RPTOR: variants seen among roughly 807,000 people sequenced by gnomAD.
RPTOR encodes the protein regulatory associated protein of MTOR complex 1, also known as regulatory-associated protein of mTOR.
In RPTOR, 21 loss-of-function variants were observed where a neutral mutation model predicts 169.9. The ratio of observed to expected loss-of-function variants is 0.12; its 90% CI spans 0.09 to 0.18. RPTOR has a LOEUF of 0.18. Ranked by LOEUF, RPTOR falls within the 10% of genes least tolerant of loss-of-function variation. The probability of loss-of-function intolerance (pLI) is 1.00; values close to 1 mark genes in which losing one functional copy is unlikely to be tolerated. For missense variants in RPTOR, 1,133 were observed against 1,855.9 expected, an observed-to-expected ratio of 0.61 and a Z score of 7.16; for synonymous variants, 732 against 753.2, an observed-to-expected ratio of 0.97 and a Z score of 0.46.
chr17:80,937,701 A>T (rs1338050119), intron 24 of RPTOR, among the ~76,000 whole-genome samples: 1 of 152,220 alleles, frequency 6.6e-6, no homozygotes, highest in Non-Finnish European at 1.5e-5. Context: ...CAGCCTGAAG[A>T]GAAACAGGTG....
chr17:80,930,355 C>T (rs62068520), intron 24 of RPTOR, among the ~76,000 whole-genome samples: 7,887 of 44,596 alleles, frequency 0.18, 14 homozygotes, highest in African/African-American at 0.22. Flanking sequence ...CAGCTCATCC[C>T]CAGCTCATCC....
At chr17:80,738,348 T>C (rs1330180499) in intron 5 of RPTOR, among the ~76,000 whole-genome samples, 1 of 152,262 alleles carries the variant, frequency 6.6e-6, no homozygotes, top group African/African-American at 2.4e-5. Context: ...TTGCTGCTTC[T>C]CTGTGCCCAT....
At chr17:80,686,344 G>A (rs767639511) in intron 3 of RPTOR, among the ~76,000 whole-genome samples, 43 of 147,228 alleles carry the variant, frequency 2.9e-4, no homozygotes, top group Non-Finnish European at 3.8e-4. Flanking sequence ...CCGCCACCAC[G>A]CCTGGCTAAT....
rs1388806730 is a variant in RPTOR, at chr17:80,721,005, C to G, written c.508-9555C>G. Reference sequence around the variant, plus strand: ...TTCCCCGACCCCTTGTTTTCCATCTCTAATTTTAGCCGTCTAGGGCAGAAA... The same window carrying G: ...TTCCCCGACCCCTTGTTTTCCATCTGTAATTTTAGCCGTCTAGGGCAGAAA... On this transcript the variant is annotated intron_variant, in intron 4 of 33. Transcript: ENST00000306801. This position sits in a 1 kb window ranked among gnomAD's most constrained non-coding sequence, Gnocchi z 4.7. 6.6e-6 allele frequency among the ~76,000 whole-genome samples: 1 copy of G among 150,998 alleles called. No homozygotes were observed. Among genetic ancestry groups the G allele is most frequent in the African/African-American group, 2.5e-5 (1 of 40,372 alleles).
At position 80,744,061 on chromosome 17, in the gene RPTOR, C is replaced by T. The variant is rs148046097; in HGVS notation, c.655-9949C>T. 1.8e-3 allele frequency among the ~76,000 whole-genome samples: 100 copies of T among 56,536 alleles called. 3 individuals carry two copies. The highest frequency in any genetic ancestry group is 3.5e-3 in the African/African-American group (38 of 10,840). 37.1% of individuals were successfully genotyped at this position (56,536 alleles called of 152,430 possible). The stretch of plus-strand genomic sequence containing the variant: ...GCCCTGGTTACTAGCACAGCCCTGG[C>T]TACTAGCACTGTCCTGGTTACGAGC... On this transcript the variant is annotated intron_variant, in intron 5 of 33. Transcript: ENST00000306801.
intron 4 of RPTOR, among the ~76,000 whole-genome samples, chr17:80,719,595 A>G (rs1398651841): frequency 2.0e-5 from 3 of 152,144 alleles, no homozygotes; most frequent in Non-Finnish European, 4.4e-5. Context: ...TGGACTAAAG[A>G]TGGACTTGTG....
intron 4 of RPTOR, among the ~76,000 whole-genome samples, chr17:80,713,242 A>AT (rs917903874): frequency 4.0e-5 from 6 of 151,742 alleles, no homozygotes; most frequent in East Asian, 1.9e-4. Flanking sequence ...CTAATTTTGT[A>AT]TTTTTTTTAG....
chr17:80,724,626 T>C (rs1314757155), intron 4 of RPTOR, among the ~76,000 whole-genome samples: 2 of 152,058 alleles, frequency 1.3e-5, no homozygotes, highest in African/African-American at 4.8e-5. Context: ...CCAACAGTGG[T>C]GAGGCCAGAA....
At chr17:80,900,524 C>A (rs577547651) in intron 20 of RPTOR, among the ~76,000 whole-genome samples, 4 of 152,222 alleles carry the variant, frequency 2.6e-5, no homozygotes, top group Non-Finnish European at 4.4e-5. Context: ...CCAAGTTGGT[C>A]AGGCTGGTCT....
chr17:80,643,719 C>T lies in RPTOR; in HGVS notation c.266-9C>T, dbSNP rs367876653. On this transcript the variant is annotated splice_polypyrimidine_tract_variant and intron_variant, in intron 2 of 33. Transcript: ENST00000306801. Reference sequence around the variant, plus strand: ...GTAAAGAACTTTCTCTTTTCCATTGCTTCCTCAGATCCTCTGTCGATGGGT... The same window carrying T: ...GTAAAGAACTTTCTCTTTTCCATTGTTTCCTCAGATCCTCTGTCGATGGGT... 2 of 1,609,724 alleles carry T rather than the reference C, an allele frequency of 1.2e-6. No individual in the cohort carries two copies. The highest frequency in any genetic ancestry group is 2.7e-5 in the African/African-American group (2 of 74,930).
At chr17:80,881,681 C>A (rs965951880) in intron 14 of RPTOR, among the ~76,000 whole-genome samples, 5 of 152,122 alleles carry the variant, frequency 3.3e-5, no homozygotes, top group African/African-American at 1.2e-4. Context: ...ATTTGTCTGG[C>A]GTTGTGGCAC....
At chr17:80,579,969 T>C (rs570254072) in intron 1 of RPTOR, among the ~76,000 whole-genome samples, 8 of 152,314 alleles carry the variant, frequency 5.3e-5, no homozygotes, top group African/African-American at 1.9e-4. Flanking sequence ...GCTTTGCTTC[T>C]GTATTTAGAA....
rs184801664 is a variant in RPTOR at position 80,618,825 on chromosome 17, A to G, written c.163-6866A>G. Among the ~76,000 whole-genome samples, 4 of 152,326 alleles carry G rather than the reference A, an allele frequency of 2.6e-5. No homozygotes were observed. In the East Asian group the frequency reaches 5.8e-4, roughly 22 times the overall value. The stretch of plus-strand genomic sequence containing the variant: ...CAAGCTAACACAGTTGCTGCTGGTG[A>G]TGATGATCTTGTTTTGGACTGCAGG... On this transcript the variant is annotated intron_variant, in intron 1 of 33. Transcript: ENST00000306801.
rs750358514 is a variant in RPTOR at position 80,908,943 on chromosome 17, G to A, written c.2520+14G>A. 11 of 1,558,152 alleles carry A rather than the reference G, an allele frequency of 7.1e-6. No individual in the cohort carries two copies. Among genetic ancestry groups the A allele is most frequent in the East Asian group, 4.5e-5 (2 of 44,622 alleles). On this transcript the variant is annotated intron_variant, in intron 21 of 33. Transcript: ENST00000306801. ...ATCGCCTACAAGGTACGTGCCGGGC[G>A]CTCCCCACCGCGCTCCAGCTGCTGG...
chr17:80,779,486 A>C (rs557543318), intron 6 of RPTOR, among the ~76,000 whole-genome samples: 3 of 152,340 alleles, frequency 2.0e-5, no homozygotes, highest in South Asian at 4.1e-4. Context: ...GCCTACGTGC[A>C]CTGACGTCGT....
At chr17:80,828,011 C>T (rs1414684746) in intron 9 of RPTOR, among the ~76,000 whole-genome samples, 1 of 152,184 alleles carries the variant, frequency 6.6e-6, no homozygotes, top group African/African-American at 2.4e-5. Flanking sequence ...GGCGTACGTG[C>T]TGAGTCATGG....
rs2066028624 is a variant in RPTOR, at chr17:80,695,474, G to T, written c.349-12367G>T. Among the ~76,000 whole-genome samples, 1 of 152,266 alleles carries T rather than the reference G, an allele frequency of 6.6e-6. No homozygotes were observed. Among genetic ancestry groups the T allele is most frequent in the South Asian group, 2.1e-4 (1 of 4,826 alleles). On this transcript the variant is annotated intron_variant, in intron 3 of 33. Transcript: ENST00000306801. This position sits in a 1 kb window ranked among gnomAD's most constrained non-coding sequence, Gnocchi z 4.9. The stretch of plus-strand genomic sequence containing the variant: ...GTAACAGTGGCCTCTGTTACAGAGG[G>T]GCAGGTGGGTGGCTCACGTGTGGGC...
At chr17:80,716,506 C>A (rs2066240762) in intron 4 of RPTOR, among the ~76,000 whole-genome samples, 1 of 151,056 alleles carries the variant, frequency 6.6e-6, no homozygotes, top group South Asian at 2.1e-4. Flanking sequence ...GATTTTCTCT[C>A]ACTCTGTGGG....
At chr17:80,723,660 TA>T (rs1413118459) in intron 4 of RPTOR, among the ~76,000 whole-genome samples, 1 of 151,426 alleles carries the variant, frequency 6.6e-6, no homozygotes, top group Non-Finnish European at 1.5e-5. Context: ...GTGTGCTCGT[TA>T]CTACTGGAGC....
Sources: allele counts gnomAD v4.1 joint callset (sites outside exome capture counted in the v4.1 genomes callset), GRCh38; gene constraint gnomAD v4.1.1; non-coding constraint Gnocchi (gnomAD v3.1); transcripts MANE v1.5; gene names NCBI Gene and HGNC (gene_info 2026-07-23, HGNC 2026-07-21).